The following HHIP variants were observed in gnomAD, a reference collection of about 807,000 sequenced individuals.
The protein encoded by HHIP is hedgehog interacting protein.
A neutral mutation model predicts 74.0 loss-of-function variants in HHIP; 12 were observed. The ratio of observed to expected loss-of-function variants is 0.16; its 90% confidence interval spans 0.10 to 0.26. The LOEUF (loss-of-function observed/expected upper bound fraction) is 0.26. HHIP is among the 10% of genes least tolerant of loss of function. The pLI is 1.00. For synonymous variants in HHIP, 309 were observed against 311.6 expected (o/e 0.99, Z 0.09); for missense variants, 788 against 845.0 (o/e 0.93, Z 0.84).
At chr4:144,736,566 G>T (rs1208818540) in intron 12 of HHIP, among the ~76,000 whole-genome samples, 3 of 152,012 alleles carry the variant, frequency 2.0e-5, no homozygotes, top group Non-Finnish European at 4.4e-5. Flanking sequence ...GAGGGTGAAT[G>T]AATTATCTCA....
chr4:144,687,003 T>C (rs1048307684), intron 4 of HHIP, among the ~76,000 whole-genome samples: 15 of 151,772 alleles, frequency 9.9e-5, no homozygotes, highest in African/African-American at 3.6e-4. Context: ...CATGACAGAG[T>C]GGCTTAAAAT....
intron 11 of HHIP, among the ~76,000 whole-genome samples, chr4:144,726,649 AAG>A (rs1321749910): frequency 6.6e-6 from 1 of 152,168 alleles, no homozygotes; most frequent in Non-Finnish European, 1.5e-5. Flanking sequence ...TCATATACAA[AAG>A]AGAATATCAG....
chr4:144,698,819 CTTAAG>C (rs1729895850), intron 4 of HHIP, among the ~76,000 whole-genome samples: 1 of 152,100 alleles, frequency 6.6e-6, no homozygotes, highest in Admixed American at 6.6e-5. Flanking sequence ...TTTTCCCAAA[CTTAAG>C]TTTAGTAGAA....
chr4:144,689,142 T>C (rs1729575785), intron 4 of HHIP, among the ~76,000 whole-genome samples: 1 of 152,240 alleles, frequency 6.6e-6, no homozygotes, highest in Admixed American at 6.5e-5. Context: ...ACAAGACAGT[T>C]TGATTTCAGA....
chr4:144,717,159 A>C lies in HHIP; in HGVS notation c.1679-1716A>C, dbSNP rs145873591. Among the ~76,000 whole-genome samples the C allele has an allele frequency of 9.9e-4, 151 of 152,300 alleles. 1 individual carries two copies. The highest frequency in any genetic ancestry group is 3.5e-3 in the African/African-American group (146 of 41,578). ...AATAAATACAGTTTCACTGGATTAC[A>C]TTTTAATGTGAAACTCGCTAGCTTT... On this transcript the variant is annotated intron_variant, in intron 10 of 12. Transcript: ENST00000296575.
chr4:144,652,551 C>T (rs1287053786), intron 1 of HHIP, 54 bp from the exon 2 acceptor site: 1 of 1,093,604 alleles, frequency 9.1e-7, no homozygotes, highest in South Asian at 1.4e-5. Flanking sequence ...ATAATAATAG[C>T]TAAACCTAAA....
chr4:144,658,373 A>G (rs1394147386), intron 2 of HHIP, among the ~76,000 whole-genome samples: 1 of 150,214 alleles, frequency 6.7e-6, no homozygotes, highest in African/African-American at 2.5e-5. Flanking sequence ...TTATTTATTT[A>G]TTTATTTATT....
rs564431759 is a variant in HHIP at position 144,658,933 on chromosome 4, G to C, written c.616G>C (p.Glu206Gln). Residue 206 changes from glutamate (E) to glutamine (Q), a missense_variant, in exon 3 of 13, where the codon GAA (glutamate) becomes CAA (glutamine). This residue lies in a region of HHIP where 373 missense variants were observed against 366.4 expected (regional missense o/e 1.02). Coordinates refer to ENST00000296575, the MANE Select transcript of HHIP (RefSeq NM_022475.3). ...CCAGATGGAAGAATATGACAAAGTGGAAGAGATCAGCAGGTTCATAAAGAT... is the reference window on the plus strand; with the variant it reads ...CCAGATGGAAGAATATGACAAAGTGCAAGAGATCAGCAGGTTCATAAAGAT... ...LDQMEEYDKV[E>Q]EISRKHKHNC... 3.1e-5 allele frequency: 50 copies of C among 1,610,936 alleles called. No homozygotes were observed. Among genetic ancestry groups the C allele is most frequent in the Non-Finnish European group, 4.0e-5 (47 of 1,178,398 alleles).
chr4:144,670,157 GAATTGGTCCCCCGCAGT>G (rs568526885), intron 4 of HHIP, among the ~76,000 whole-genome samples: 3,081 of 145,716 alleles, frequency 0.021, 118 homozygotes, highest in African/African-American at 0.073. Context: ...AAAAAAAGCT[GAATTGGTCCCCCGCAGT>G]AATTGGTCCC....
intron 11 of HHIP, among the ~76,000 whole-genome samples, chr4:144,729,165 G>T (rs2126683740): frequency 6.6e-6 from 1 of 152,196 alleles, no homozygotes; most frequent in African/African-American, 2.4e-5. Flanking sequence ...CTCCACAGAT[G>T]GAAGACAGTA....
intron 4 of HHIP, among the ~76,000 whole-genome samples, chr4:144,696,107 A>G (rs1232805137): frequency 6.6e-6 from 1 of 151,994 alleles, no homozygotes; most frequent in Non-Finnish European, 1.5e-5. Flanking sequence ...TAATAGTTAT[A>G]TCTTCAATTT....
rs150821410 is a variant in HHIP, at chr4:144,703,748, C to A, written c.832-2783C>A. On this transcript the variant is annotated intron_variant, in intron 4 of 12. Transcript: ENST00000296575. ...CAGTCCCGGCTCCAGGCACCAACGTCCAGGCTCTCGGGCTAGGACGGTGTC... is the reference window on the plus strand; with the variant it reads ...CAGTCCCGGCTCCAGGCACCAACGTACAGGCTCTCGGGCTAGGACGGTGTC... Among the ~76,000 whole-genome samples, 427 of 152,284 alleles carry A rather than the reference C, an allele frequency of 2.8e-3. 3 individuals are homozygous for A. Among genetic ancestry groups the A allele is most frequent in the African/African-American group, 9.4e-3 (391 of 41,544 alleles).
In HHIP at chr4:144,740,752, C is replaced by T. The variant is rs150613247; in HGVS notation, c.*2795C>T. On this transcript the variant is annotated 3_prime_UTR_variant, in exon 13 of 13. Transcript: ENST00000296575. ...GGCAACATCTGTTCAGTTCATAAAGCACACAGTCTCGAATGGAAGAAAAAA... is the reference window on the plus strand; with the variant it reads ...GGCAACATCTGTTCAGTTCATAAAGTACACAGTCTCGAATGGAAGAAAAAA... 4.6e-5 allele frequency: 7 copies of T among 152,070 alleles called. No individual in the cohort carries two copies. The East Asian group carries it at 1.3e-3, about 29-fold the overall frequency. 9.4% of individuals were successfully genotyped at this position (152,070 alleles called of 1,614,324 possible). A position where few individuals can be genotyped will look rare whatever the true frequency, so the allele number is the denominator to read the frequency against.
At chr4:144,677,273 T>C (rs377146910) in intron 4 of HHIP, among the ~76,000 whole-genome samples, 1 of 152,200 alleles carries the variant, frequency 6.6e-6, no homozygotes, top group African/African-American at 2.4e-5. Context: ...GAGAAGACTT[T>C]AGGAAAAACA....
chr4:144,734,967 TTTC>T (rs1731070047), intron 12 of HHIP, 78 bp downstream of exon 12: 14 of 1,358,390 alleles, frequency 1.0e-5, no homozygotes, highest in African/African-American at 1.4e-5. Flanking sequence ...ACATTGATTG[TTTC>T]TTCTACAATA....
In HHIP at chr4:144,688,838, G is replaced by A. The variant is rs367955756; in HGVS notation, c.832-17693G>A. Among the ~76,000 whole-genome samples the A allele has an allele frequency of 1.9e-4, 29 of 152,302 alleles. No individual in the cohort carries two copies. The East Asian group carries it at 4.2e-3, about 22-fold the overall frequency. On this transcript the variant is annotated intron_variant, in intron 4 of 12. Coordinates refer to ENST00000296575, the MANE Select transcript of HHIP (RefSeq NM_022475.3). ...CTTCTCAATTCTCCTGTGTCTGGAT[G>A]AAGGCCATAGACATTTTATGAATTT...
chr4:144,688,317 T>C (rs547137515), intron 4 of HHIP, among the ~76,000 whole-genome samples: 59 of 152,186 alleles, frequency 3.9e-4, no homozygotes, highest in African/African-American at 1.4e-3. Flanking sequence ...CAATGTGAAT[T>C]ATAAAGGAAG....
At chr4:144,724,668 G>GTGTA (rs1730742987) in intron 11 of HHIP, among the ~76,000 whole-genome samples, 1 of 106,970 alleles carries the variant, frequency 9.3e-6, no homozygotes, top group Non-Finnish European at 1.8e-5. Context: ...GTGTGTGTGT[G>GTGTA]TATATATATA....
chr4:144,714,845 G>A (rs1212665878), intron 9 of HHIP, among the ~76,000 whole-genome samples: 2 of 152,134 alleles, frequency 1.3e-5, no homozygotes, highest in East Asian at 1.9e-4. Flanking sequence ...GTGGATAATT[G>A]TAAGAAACTC....
Sources: allele counts gnomAD v4.1 joint callset (sites outside exome capture counted in the v4.1 genomes callset), GRCh38; gene constraint gnomAD v4.1.1; regional missense constraint gnomAD v4.1.1; transcripts MANE v1.5; gene names NCBI Gene and HGNC (gene_info 2026-07-23, HGNC 2026-07-21).